The following CCDC68 variants were observed in gnomAD, a reference collection of about 807,000 sequenced individuals.
The protein encoded by CCDC68 is coiled-coil domain-containing protein 68.
CCDC68 carries 45 observed loss-of-function variants against 47.1 expected under a neutral mutation model. That is an observed-to-expected ratio of 0.96 (90% CI 0.75 to 1.23). The LOEUF (loss-of-function observed/expected upper bound fraction) is 1.23, where lower values mean the gene tolerates loss of function less well. Ranked by LOEUF, CCDC68 falls within the 50% of genes most tolerant of loss-of-function variation. The pLI, the probability that CCDC68 is intolerant of heterozygous loss-of-function variation, is 0.00. For missense variants in CCDC68, 353 were observed against 373.6 expected (o/e 0.94, Z 0.45); for synonymous variants, 131 against 129.5 (o/e 1.01, Z -0.08).
chr18:54,948,528 A>G (rs2044563044), intron 1 of CCDC68, among the ~76,000 whole-genome samples: 1 of 152,212 alleles, frequency 6.6e-6, no homozygotes, highest in Admixed American at 6.5e-5. Context: ...TTGTTAGAGC[A>G]ACCCTAGAAA....
chr18:54,935,462 G>A (rs1034297416), intron 6 of CCDC68, among the ~76,000 whole-genome samples: 1 of 152,144 alleles, frequency 6.6e-6, no homozygotes, highest in African/African-American at 2.4e-5. Flanking sequence ...GGACTGTGTC[G>A]ACTAACTTGT....
chr18:54,915,209 C>T (rs566038447), intron 10 of CCDC68, among the ~76,000 whole-genome samples: 4 of 152,222 alleles, frequency 2.6e-5, no homozygotes, highest in South Asian at 2.1e-4. Flanking sequence ...GCTGTTGGAA[C>T]AGCTTCAATA....
chr18:54,933,403 C>G (rs1568149877), intron 7 of CCDC68, among the ~76,000 whole-genome samples: 1 of 152,106 alleles, frequency 6.6e-6, no homozygotes, highest in Non-Finnish European at 1.5e-5. Context: ...AATTTGGGGG[C>G]AGTGACGGTT....
chr18:54,943,961 G>C (rs948356065), intron 2 of CCDC68, among the ~76,000 whole-genome samples: 5 of 152,084 alleles, frequency 3.3e-5, no homozygotes, highest in Admixed American at 2.0e-4. Flanking sequence ...TTTGAGACTA[G>C]CCTGGCCAAC....
chr18:54,915,452 T>C (rs1312600503), intron 10 of CCDC68, among the ~76,000 whole-genome samples: 1 of 152,196 alleles, frequency 6.6e-6, no homozygotes, highest in African/African-American at 2.4e-5. Flanking sequence ...CCATATATAT[T>C]CTATAGTTAG....
At chr18:54,918,911 A>G (rs2044004277) in intron 9 of CCDC68, among the ~76,000 whole-genome samples, 1 of 152,212 alleles carries the variant, frequency 6.6e-6, no homozygotes, top group Admixed American at 6.5e-5. Context: ...TAAATAAATT[A>G]TGAGGTTATG....
At chr18:54,915,013 G>C (rs956195608) in intron 10 of CCDC68, among the ~76,000 whole-genome samples, 5 of 152,182 alleles carry the variant, frequency 3.3e-5, no homozygotes, top group African/African-American at 1.2e-4. Context: ...AGAAGCTGTA[G>C]TACCACTGAC....
chr18:54,920,946 G>A (rs549898331), intron 8 of CCDC68, among the ~76,000 whole-genome samples: 10 of 152,274 alleles, frequency 6.6e-5, no homozygotes, highest in Middle Eastern at 3.4e-3. Flanking sequence ...AAACAACCTA[G>A]GTGCCTATCA....
chr18:54,920,431 G>A (rs1199134248), intron 8 of CCDC68, among the ~76,000 whole-genome samples: 1 of 151,864 alleles, frequency 6.6e-6, no homozygotes, highest in Non-Finnish European at 1.5e-5. Flanking sequence ...AGTAGAGATG[G>A]AGTTTCACCA....
At chr18:54,930,711 T>G (rs1254188214) in intron 7 of CCDC68, among the ~76,000 whole-genome samples, 1 of 124,588 alleles carries the variant, frequency 8.0e-6, no homozygotes, top group Non-Finnish European at 1.7e-5. Flanking sequence ...TCTCTCTCTC[T>G]CTCTCTCTTT....
At chr18:54,955,884 AT>A (rs1271693052) in intron 1 of CCDC68, among the ~76,000 whole-genome samples, 1 of 151,758 alleles carries the variant, frequency 6.6e-6, no homozygotes, top group Non-Finnish European at 1.5e-5. Flanking sequence ...CACACAGCTA[AT>A]TTTTAAAAAA....
intron 1 of CCDC68, among the ~76,000 whole-genome samples, chr18:54,953,042 C>A (rs2044645323): frequency 6.6e-6 from 1 of 151,768 alleles, no homozygotes; most frequent in South Asian, 2.1e-4. Context: ...ATTACGGATA[C>A]ACCCAACAAC....
intron 10 of CCDC68, among the ~76,000 whole-genome samples, chr18:54,913,373 TTCC>T (rs761763553): frequency 6.6e-6 from 1 of 152,228 alleles, no homozygotes; most frequent in African/African-American, 2.4e-5. Flanking sequence ...ACTGAATCAG[TTCC>T]TCCTGTTATT....
At chr18:54,909,811 G>C (rs1383714554) in intron 10 of CCDC68, among the ~76,000 whole-genome samples, 2 of 152,250 alleles carry the variant, frequency 1.3e-5, no homozygotes, top group African/African-American at 4.8e-5. Context: ...GAAGCTTGGA[G>C]ATGCCAGGAA....
chr18:54,948,665 T>C (rs1295135800), intron 1 of CCDC68, among the ~76,000 whole-genome samples: 1 of 152,212 alleles, frequency 6.6e-6, no homozygotes, highest in Non-Finnish European at 1.5e-5. Flanking sequence ...GAACTGTGGT[T>C]ACAGGGCTGA....
rs1448117748 is a variant in CCDC68, at chr18:54,901,736, CCTT to C, written c.*2619_*2621del. ...GTATGAATTTCAGACCCACCTCAGA[CCTT>C]CTTATCCAATAAATTCAAGAGTATA... On this transcript the variant is annotated 3_prime_UTR_variant, in exon 12 of 12. Transcript: ENST00000591504. 12 of 152,114 alleles carry C rather than the reference CCTT, an allele frequency of 7.9e-5. No individual in the cohort carries two copies. The highest frequency in any genetic ancestry group is 2.9e-4 in the African/African-American group (12 of 41,400). The allele number at this position is 152,114 out of a possible 1,614,324, so 9.4% of individuals were successfully genotyped here.
chr18:54,918,574 T>C (rs2043995577), intron 9 of CCDC68, among the ~76,000 whole-genome samples: 1 of 152,112 alleles, frequency 6.6e-6, no homozygotes. Flanking sequence ...GCCCCCAAAG[T>C]CCCTCCTGGC....
At position 54,928,807 on chromosome 18, in the gene CCDC68, C is replaced by T. The variant is rs770275233; in HGVS notation, c.676G>A (p.Gly226Arg). ...LLQLKSSATY[G>R]KSCQDLQREI... ...ACAGGTAGCTTCACAAACCTTTTTC[C>T]ATATGTAGCACTGGATTTGAGTTGC... The change falls in exon 8 of 12, where the codon GGA becomes AGA. Residue 226 changes from glycine (G) to arginine (R), a missense_variant. By Grantham distance (125) the Gly-to-Arg change is moderately radical. Transcript: ENST00000591504. The T allele has an allele frequency of 1.9e-6, 3 of 1,608,566 alleles. No individual in the cohort carries two copies. Among genetic ancestry groups the T allele is most frequent in the South Asian group, 2.2e-5 (2 of 90,828 alleles).
intron 8 of CCDC68, among the ~76,000 whole-genome samples, chr18:54,925,273 T>C (rs1453965540): frequency 6.6e-6 from 1 of 152,068 alleles, no homozygotes; most frequent in Non-Finnish European, 1.5e-5. Context: ...CTTGTCCTCA[T>C]CATCTAATTT....
Sources: gnomAD v4.1 joint callset for allele counts (sites outside exome capture counted in the v4.1 genomes callset) on GRCh38, gnomAD v4.1.1 for gene constraint, MANE v1.5 for transcripts, NCBI Gene and HGNC (gene_info 2026-07-23, HGNC 2026-07-21) for gene names.